The following BCL11B variants were observed in gnomAD, a reference collection of about 807,000 sequenced individuals.
BCL11B encodes the protein BCL11 transcription factor B, also known as B-cell lymphoma/leukemia 11B.
Under a neutral mutation model 49.9 loss-of-function variants are expected in BCL11B, and 8 were observed. The ratio of observed to expected loss-of-function variants is 0.16; its 90% CI spans 0.09 to 0.29. The LOEUF (loss-of-function observed/expected upper bound fraction) is 0.29, where lower values mean the gene tolerates loss of function less well. Ranked by LOEUF, BCL11B falls within the 10% of genes least tolerant of loss-of-function variation. The pLI, the probability that BCL11B is intolerant of heterozygous loss-of-function variation, is 1.00. For synonymous variants in BCL11B, 739 were observed against 637.4 expected, an observed-to-expected ratio of 1.16 and a Z score of -2.40; for missense variants, 1,006 against 1,351.0, an observed-to-expected ratio of 0.74 and a Z score of 4.00.
chr14:99,230,703 AG>A (rs1313072023), intron 3 of BCL11B, among the ~76,000 whole-genome samples: 1 of 152,210 alleles, frequency 6.6e-6, no homozygotes, highest in African/African-American at 2.4e-5. Flanking sequence ...CCGGGAGAGC[AG>A]GATGAGTCGG....
chr14:99,187,778 T>TTCCTCC (rs11281373), intron 3 of BCL11B, among the ~76,000 whole-genome samples: 17 of 150,164 alleles, frequency 1.1e-4, no homozygotes, highest in African/African-American at 1.7e-4. Context: ...CATGCAGGCC[T>TTCCTCC]TCCTCCTCCT....
At position 99,231,684 on chromosome 14, in the gene BCL11B, G is replaced by A; in HGVS notation, c.428-127C>T. 1.0e-6 allele frequency: 1 copy of A among 983,008 alleles called. No homozygotes were observed. Among genetic ancestry groups the A allele is most frequent in the Admixed American group, 2.4e-5 (1 of 42,420 alleles). The allele number at this position is 983,008 out of a possible 1,614,324, so 60.9% of individuals were successfully genotyped here. A position where few individuals can be genotyped will look rare whatever the true frequency, so the allele number is the denominator to read the frequency against. On this transcript the variant is annotated intron_variant, in intron 2 of 3. Transcript: ENST00000357195. This position sits in a 1 kb window ranked among gnomAD's most constrained non-coding sequence, Gnocchi z 8.1. The stretch of plus-strand genomic sequence containing the variant: ...CCCTTCGGGGGTGGGAGGCCCCCGG[G>A]GTGCCAGGCCCTGCAGGGAAGGCAA...
Position 99,271,317 on chromosome 14 carries a change from C to CGCCGCTGCT in BCL11B, c.-100_-99insAGCAGCGGC, listed in dbSNP as rs1195993811. ...GCCGCCGCGCCGCTGCCGCCGCTGC[C>CGCCGCTGCT]GCCGCCGCCGCCGCCGCCGCACCTC... On this transcript the variant is annotated 5_prime_UTR_variant, in exon 1 of 4. Coordinates refer to ENST00000357195, the MANE Select transcript of BCL11B (RefSeq NM_138576.4). 3.4e-6 allele frequency: 2 copies of CGCCGCTGCT among 579,758 alleles called. No individual in the cohort carries two copies. The highest frequency in any genetic ancestry group is 4.7e-6 in the Non-Finnish European group (2 of 427,860). 35.9% of individuals were successfully genotyped at this position (579,758 alleles called of 1,614,324 possible).
intron 1 of BCL11B, among the ~76,000 whole-genome samples, chr14:99,263,570 T>A (rs982378831): frequency 6.6e-6 from 1 of 152,234 alleles, no homozygotes; most frequent in Non-Finnish European, 1.5e-5. Context: ...GAAAGTCGAA[T>A]GTTTGGGGAG....
chr14:99,227,594 A>T (rs1315963110), intron 3 of BCL11B, among the ~76,000 whole-genome samples: 5 of 152,100 alleles, frequency 3.3e-5, no homozygotes, highest in Admixed American at 2.6e-4. Context: ...AGCTAGCCCC[A>T]TGCTCACTCC....
intron 3 of BCL11B, among the ~76,000 whole-genome samples, chr14:99,206,957 G>T (rs1182247920): frequency 6.6e-6 from 1 of 152,110 alleles, no homozygotes; most frequent in Non-Finnish European, 1.5e-5. Flanking sequence ...ATAGATAAAG[G>T]CCCGGTCTTA....
intron 3 of BCL11B, among the ~76,000 whole-genome samples, chr14:99,201,264 G>A (rs1481085972): frequency 6.6e-6 from 1 of 152,188 alleles, no homozygotes; most frequent in Non-Finnish European, 1.5e-5. Context: ...CTCACCAGCT[G>A]AAGAGTGGTC....
chr14:99,194,923 G>A lies in BCL11B; in HGVS notation c.641-18728C>T, dbSNP rs776054619. On this transcript the variant is annotated intron_variant, in intron 3 of 3. Transcript: ENST00000357195. This position sits in a 1 kb window ranked among gnomAD's most constrained non-coding sequence, Gnocchi z 4.6. ...AGAAGCCAAGGCTCAGGAACAAAGCGCGTCTACCCAAGGCCATCCAGGCAA... is the reference window on the plus strand; with the variant it reads ...AGAAGCCAAGGCTCAGGAACAAAGCACGTCTACCCAAGGCCATCCAGGCAA... Among the ~76,000 whole-genome samples, 1 of 152,122 alleles carries A rather than the reference G, an allele frequency of 6.6e-6. No individual in the cohort carries two copies. Among genetic ancestry groups the A allele is most frequent in the Non-Finnish European group, 1.5e-5 (1 of 68,022 alleles).
intron 3 of BCL11B, among the ~76,000 whole-genome samples, chr14:99,182,174 A>G (rs1315307987): frequency 6.6e-6 from 1 of 152,210 alleles, no homozygotes; most frequent in East Asian, 1.9e-4. Flanking sequence ...AATAACACTC[A>G]CAGTGGTAAC....
chr14:99,197,794 C>T (rs1297643097), intron 3 of BCL11B, among the ~76,000 whole-genome samples: 2 of 152,190 alleles, frequency 1.3e-5, no homozygotes, highest in South Asian at 2.1e-4. Flanking sequence ...TGGACAGCTG[C>T]GTGCGAGGGA....
At chr14:99,186,762 C>T (rs990785943) in intron 3 of BCL11B, among the ~76,000 whole-genome samples, 10 of 152,194 alleles carry the variant, frequency 6.6e-5, no homozygotes, top group African/African-American at 2.2e-4. Flanking sequence ...CAAGCCCACA[C>T]TCAAGGCCTA....
At chr14:99,193,594 GGAGA>G (rs961877898) in intron 3 of BCL11B, among the ~76,000 whole-genome samples, 1 of 151,764 alleles carries the variant, frequency 6.6e-6, no homozygotes, top group African/African-American at 2.4e-5. Context: ...TCTTTTTTCT[GGAGA>G]AAGAAAAAAA....
At position 99,185,740 on chromosome 14, in the gene BCL11B, C is replaced by T. The variant is rs552470614; in HGVS notation, c.641-9545G>A. 3.7e-3 allele frequency among the ~76,000 whole-genome samples: 564 copies of T among 152,270 alleles called. 6 individuals carry two copies. The highest frequency in any genetic ancestry group is 0.013 in the African/African-American group (537 of 41,526). ...CATTCCACAGGGCTGTCCTTACTCC[C>T]GCACACTCGCCCTCCTGACCCAGGG... On this transcript the variant is annotated intron_variant, in intron 3 of 3. Coordinates refer to ENST00000357195, the MANE Select transcript of BCL11B (RefSeq NM_138576.4).
rs1889693126 is a variant in BCL11B, at chr14:99,271,605, T to A, written c.-387A>T. ...CGAAGGAAAAAAAATCTCTTACACT[T>A]CTTCAAACTGCTTGGCCTCTTGCAC... On this transcript the variant is annotated 5_prime_UTR_variant, in exon 1 of 4. Coordinates refer to ENST00000357195, the MANE Select transcript of BCL11B (RefSeq NM_138576.4). 1 of 200,554 alleles carries A rather than the reference T, an allele frequency of 5.0e-6. No individual in the cohort carries two copies. The highest frequency in any genetic ancestry group is 2.3e-5 in the African/African-American group (1 of 43,574). The allele number at this position is 200,554 out of a possible 1,614,324, so 12.4% of individuals were successfully genotyped here.
chr14:99,215,574 A>G (rs527644207), intron 3 of BCL11B, among the ~76,000 whole-genome samples: 155 of 152,378 alleles, frequency 1.0e-3, no homozygotes, highest in Non-Finnish European at 2.0e-3. Flanking sequence ...TGGCTCCAGC[A>G]TAAATGAAAC....
intron 2 of BCL11B, among the ~76,000 whole-genome samples, chr14:99,239,339 G>A (rs746142222): frequency 3.3e-5 from 5 of 152,158 alleles, no homozygotes; most frequent in African/African-American, 9.7e-5. Flanking sequence ...ATAACTCAAC[G>A]AAGAGTGAAG....
At chr14:99,226,617 C>A (rs1888169203) in intron 3 of BCL11B, among the ~76,000 whole-genome samples, 1 of 152,208 alleles carries the variant, frequency 6.6e-6, no homozygotes, top group South Asian at 2.1e-4. Context: ...ATATCATTAA[C>A]ACAAAACTTC....
At chr14:99,267,548 C>CCG (rs1462695313) in intron 1 of BCL11B, among the ~76,000 whole-genome samples, 3 of 138,284 alleles carry the variant, frequency 2.2e-5, no homozygotes, top group Admixed American at 1.4e-4. Context: ...AACTTCACCC[C>CCG]CCCCCCACCA....
chr14:99,215,180 G>A (rs1478768085), intron 3 of BCL11B, among the ~76,000 whole-genome samples: 2 of 151,576 alleles, frequency 1.3e-5, no homozygotes, highest in Non-Finnish European at 1.5e-5. Flanking sequence ...GGCCAAGGGA[G>A]ATGCACTAAT....
Sources: allele counts gnomAD v4.1 joint callset (sites outside exome capture counted in the v4.1 genomes callset), GRCh38; gene constraint gnomAD v4.1.1; non-coding constraint Gnocchi (gnomAD v3.1); transcripts MANE v1.5; gene names NCBI Gene and HGNC (gene_info 2026-07-23, HGNC 2026-07-21).